Variants in NRDC observed in about 807,000 individuals in gnomAD.
The protein encoded by NRDC is nardilysin.
NRDC carries 54 observed loss-of-function variants against 147.1 expected under a neutral mutation model. The ratio of observed to expected loss-of-function variants is 0.37; its 90% CI spans 0.29 to 0.46. The LOEUF is 0.46. Among genes scored for constraint, NRDC ranks in the 20% least tolerant of loss-of-function variants. The pLI is 1.00. For synonymous variants in NRDC, 440 were observed against 482.1 expected (o/e 0.91, Z 1.14); for missense variants, 1,082 against 1,370.6 (o/e 0.79, Z 3.33).
At chr1:51,816,956 T>C (rs1679997225) in intron 10 of NRDC, among the ~76,000 whole-genome samples, 1 of 152,220 alleles carries the variant, frequency 6.6e-6, no homozygotes, top group African/African-American at 2.4e-5. Flanking sequence ...AGTATAAAAA[T>C]GCTTTATCAC....
Position 51,805,517 on chromosome 1 carries a change from C to T in NRDC, c.2155G>A (p.Ala719Thr). ...HLISPLIQKS[A>T]ANVVLFDIFV... ...AAAAAGACAATTGCTTACTTTGCTG[C>T]AGATTTCTGTATCAACGGTGAAATT... The change falls in exon 19 of 31, where the codon GCA becomes ACA. Residue 719 changes from alanine (A) to threonine (T), a missense_variant. Ala to Thr is a moderately conservative substitution (Grantham distance 58). Coordinates refer to ENST00000352171, the MANE Select transcript of NRDC (RefSeq NM_001101662.2). 3.8e-6 allele frequency: 6 copies of T among 1,580,192 alleles called. No individual in the cohort carries two copies. Among genetic ancestry groups the T allele is most frequent in the Non-Finnish European group, 5.1e-6 (6 of 1,168,684 alleles).
At chr1:51,805,865 G>C (rs1679437990) in intron 18 of NRDC, among the ~76,000 whole-genome samples, 1 of 152,140 alleles carries the variant, frequency 6.6e-6, no homozygotes, top group Non-Finnish European at 1.5e-5. Context: ...CAGATGCTAA[G>C]AACATTAAGA....
At chr1:51,839,516 C>A (rs1163619360) in intron 2 of NRDC, among the ~76,000 whole-genome samples, 2 of 152,090 alleles carry the variant, frequency 1.3e-5, no homozygotes, top group East Asian at 3.8e-4. Flanking sequence ...TGTACTGGCT[C>A]CGAAAATTAT....
chr1:51,814,660 A>T, intron 12 of NRDC, 33 bp downstream of exon 12: 1 of 1,606,264 alleles, frequency 6.2e-7, no homozygotes, highest in Non-Finnish European at 8.5e-7. Context: ...TATCTACGTA[A>T]AAGGAAAAAA....
chr1:51,799,861 T>G (rs1046274325), intron 21 of NRDC, among the ~76,000 whole-genome samples: 1 of 152,256 alleles, frequency 6.6e-6, no homozygotes, highest in African/African-American at 2.4e-5. Flanking sequence ...TCTGGAAGCT[T>G]GGCTGAATTC....
chr1:51,807,046 T>A, intron 17 of NRDC, 133 bp from the exon 18 acceptor site: 2 of 904,402 alleles, frequency 2.2e-6, no homozygotes, highest in Non-Finnish European at 3.0e-6. Context: ...TGGAATACAT[T>A]AAATTAGTAG....
intron 19 of NRDC, 120 bp from the exon 20 acceptor site, chr1:51,804,084 A>G: frequency 1.2e-6 from 1 of 833,144 alleles, no homozygotes; most frequent in Non-Finnish European, 1.8e-6. Context: ...CTACTCCAGA[A>G]TGTAAAAGGT....
intron 4 of NRDC, among the ~76,000 whole-genome samples, chr1:51,828,946 T>G (rs1680579709): frequency 6.6e-6 from 1 of 152,182 alleles, no homozygotes; most frequent in South Asian, 2.1e-4. Flanking sequence ...TTTAAAAAAC[T>G]TTTAACTTTT....
intron 1 of NRDC, among the ~76,000 whole-genome samples, chr1:51,845,596 A>AAAAAAG (rs1553213581): frequency 6.6e-6 from 1 of 152,048 alleles, no homozygotes; most frequent in Non-Finnish European, 1.5e-5. Context: ...CCGTCACAAA[A>AAAAAAG]AAAAGAAAAG....
chr1:51,813,940 A>T, intron 14 of NRDC, 95 bp downstream of exon 14: 1 of 840,850 alleles, frequency 1.2e-6, no homozygotes, highest in Non-Finnish European at 2.0e-6. Context: ...TGACAGAATT[A>T]AAACTCCACC....
chr1:51,877,186 C>CAA (rs1213284495), intron 1 of NRDC, among the ~76,000 whole-genome samples: 1 of 139,642 alleles, frequency 7.2e-6, no homozygotes, highest in Non-Finnish European at 1.6e-5. Flanking sequence ...GACTCCGTTT[C>CAA]AAAAAAAAAA....
At chr1:51,790,446 AC>A in intron 29 of NRDC, 86 bp downstream of exon 29, 4 of 824,380 alleles carry the variant, frequency 4.9e-6, no homozygotes, top group Non-Finnish European at 8.2e-6. Context: ...TCTCTTCCAC[AC>A]AATGCTGGTG....
intron 29 of NRDC, 72 bp from the exon 30 acceptor site, chr1:51,789,729 A>C (rs1398890907): frequency 9.5e-7 from 1 of 1,056,308 alleles, no homozygotes. Context: ...CCCCAGGCAG[A>C]TGTCCCTGGA....
intron 1 of NRDC, among the ~76,000 whole-genome samples, chr1:51,859,488 A>G (rs1258396947): frequency 1.3e-5 from 2 of 152,240 alleles, no homozygotes; most frequent in Non-Finnish European, 2.9e-5. Flanking sequence ...ATCAAGCCCA[A>G]TATATCCCCT....
chr1:51,817,882 GT>G lies in NRDC; in HGVS notation c.1361+183del, dbSNP rs546948167. Among the ~76,000 whole-genome samples, 100 of 152,296 alleles carry G rather than the reference GT, an allele frequency of 6.6e-4. 1 individual carries two copies. The Middle Eastern group carries it at 0.01, about 16-fold the overall frequency. ...GGCCACTATAACTGAGAAAGCTCTA[GT>G]TTTTATATCCAAAAAATAGTAAAAT... On this transcript the variant is annotated intron_variant, in intron 10 of 30. Transcript: ENST00000352171.
chr1:51,852,663 A>G (rs1482660174), intron 1 of NRDC, among the ~76,000 whole-genome samples: 2 of 126,994 alleles, frequency 1.6e-5, no homozygotes, highest in Non-Finnish European at 3.5e-5. Context: ...TCTGTCTACT[A>G]CTGGCTTAGC....
At chr1:51,836,328 C>G (rs571141004) in intron 2 of NRDC, 116 bp from the exon 3 acceptor site, 1 of 1,602,308 alleles carries the variant, frequency 6.2e-7, no homozygotes, top group Admixed American at 1.7e-5. Context: ...TAACAAAATT[C>G]TTTCCCTGAG....
At chr1:51,814,497 G>T in intron 13 of NRDC, 54 bp downstream of exon 13, 1 of 1,549,730 alleles carries the variant, frequency 6.5e-7, no homozygotes, top group Non-Finnish European at 8.8e-7. Flanking sequence ...GCAGCCTGAA[G>T]CCTCAAATAT....
intron 1 of NRDC, among the ~76,000 whole-genome samples, chr1:51,853,089 T>C (rs1022548076): frequency 2.0e-5 from 3 of 151,914 alleles, no homozygotes; most frequent in African/African-American, 7.3e-5. Flanking sequence ...CCAGATGTGG[T>C]GGCGTGTGCC....
Sources: allele counts gnomAD v4.1 joint callset (sites outside exome capture counted in the v4.1 genomes callset), GRCh38; gene constraint gnomAD v4.1.1; transcripts MANE v1.5; gene names NCBI Gene and HGNC (gene_info 2026-07-23, HGNC 2026-07-21).